The following PLCL1 variants were observed in gnomAD, a reference collection of about 807,000 sequenced individuals.
PLCL1 encodes phospholipase C like 1 (inactive).
In PLCL1, 41 loss-of-function variants were observed where a neutral mutation model predicts 84.4. That is an observed-to-expected ratio of 0.49 (90% CI 0.38 to 0.63). PLCL1 has a LOEUF of 0.63. Among genes scored for constraint, PLCL1 ranks in the 30% least tolerant of loss-of-function variants. The pLI is 0.00. For missense variants in PLCL1, 1,206 were observed against 1,367.8 expected, an observed-to-expected ratio of 0.88 and a Z score of 1.87; for synonymous variants, 490 against 488.3, an observed-to-expected ratio of 1.00 and a Z score of -0.05.
At chr2:197,930,332 G>T (rs2105764568) in intron 1 of PLCL1, among the ~76,000 whole-genome samples, 1 of 152,246 alleles carries the variant, frequency 6.6e-6, no homozygotes, top group East Asian at 1.9e-4. Flanking sequence ...TACTTCAACA[G>T]ATCTGTTCTT....
Position 198,084,333 on chromosome 2 carries a change from C to G in PLCL1, c.816C>G (p.Asn272Lys). The G allele has an allele frequency of 6.2e-7, 1 of 1,614,008 alleles. No individual in the cohort carries two copies. Among genetic ancestry groups the G allele is most frequent in the Middle Eastern group, 1.7e-4 (1 of 6,060 alleles). The change falls in exon 2 of 6, where the codon AAC becomes AAG. Residue 272 changes from asparagine to lysine, a missense_variant. Asn to Lys is a moderately conservative substitution (Grantham distance 94). Coordinates refer to ENST00000428675, the MANE Select transcript of PLCL1 (RefSeq NM_006226.4). ...DTSVELIKQL[N>K]PTLKEAKIRL... ...CTGTAGAGTTAATAAAACAACTCAACCCTACTCTGAAGGAAGCCAAGATCA... is the reference window on the plus strand; with the variant it reads ...CTGTAGAGTTAATAAAACAACTCAAGCCTACTCTGAAGGAAGCCAAGATCA...
chr2:198,084,828 G>A lies in PLCL1; in HGVS notation c.1311G>A (p.Met437Ile). The A allele has an allele frequency of 6.2e-7, 1 of 1,613,964 alleles. No individual in the cohort carries two copies. The highest frequency in any genetic ancestry group is 8.5e-7 in the Non-Finnish European group (1 of 1,179,942). The change falls in exon 2 of 6, where the codon ATG becomes ATA. Residue 437 changes from methionine (M) to isoleucine (I), a missense_variant. Met to Ile is a conservative substitution (Grantham distance 10). Coordinates refer to ENST00000428675, the MANE Select transcript of PLCL1 (RefSeq NM_006226.4). ...ATGGGTACATTAGAGCTTTGAAAAT[G>A]GGCTGTCGAAGCGTTGAACTCGATG... ...DINGYIRALK[M>I]GCRSVELDVS...
rs1489067403 is a variant in PLCL1 at position 198,089,007 on chromosome 2, G to T, written c.2865G>T (p.Glu955Asp). The T allele has an allele frequency of 6.2e-7, 1 of 1,614,038 alleles. No homozygotes were observed. The highest frequency in any genetic ancestry group is 2.2e-5 in the East Asian group (1 of 44,872). Residue 955 changes from glutamate (E) to aspartate (D), a missense_variant, in exon 3 of 6, where the codon GAG (glutamate) becomes GAT (aspartate). Glu to Asp is a conservative substitution (Grantham distance 45, BLOSUM62 2). Coordinates refer to ENST00000428675, the MANE Select transcript of PLCL1 (RefSeq NM_006226.4). The stretch of plus-strand genomic sequence containing the variant: ...TGAAAGACAGCTTTCCTTACCTGGA[G>T]CCTCTGGGTGCAATTCCAGATGTGC... ...LVMKDSFPYL[E>D]PLGAIPDVQK...
At chr2:197,811,164 TAGAC>T (rs1690579816) in intron 1 of PLCL1, among the ~76,000 whole-genome samples, 1 of 152,234 alleles carries the variant, frequency 6.6e-6, no homozygotes, top group Non-Finnish European at 1.5e-5. Context: ...TAGGAAACAA[TAGAC>T]AGAGTTTATG....
At chr2:197,815,387 A>G (rs1690666676) in intron 1 of PLCL1, among the ~76,000 whole-genome samples, 1 of 152,198 alleles carries the variant, frequency 6.6e-6, no homozygotes, top group South Asian at 2.1e-4. Flanking sequence ...TCAGAAAAAA[A>G]CATTCCTTTC....
chr2:198,067,128 T>G (rs76453759), intron 1 of PLCL1, among the ~76,000 whole-genome samples: 2 of 127,368 alleles, frequency 1.6e-5, no homozygotes, highest in African/African-American at 6.9e-5. Flanking sequence ...TGTGGCCCTC[T>G]TTTTTTTTTT....
At chr2:197,881,334 T>G (rs1687823822) in intron 1 of PLCL1, among the ~76,000 whole-genome samples, 1 of 152,156 alleles carries the variant, frequency 6.6e-6, no homozygotes, top group Non-Finnish European at 1.5e-5. Flanking sequence ...CAGATTTTTA[T>G]CTCTGTTATA....
intron 1 of PLCL1, among the ~76,000 whole-genome samples, chr2:197,849,271 G>A (rs1039412294): frequency 6.6e-6 from 1 of 152,188 alleles, no homozygotes; most frequent in African/African-American, 2.4e-5. Flanking sequence ...GAAAATATTA[G>A]TGAGGCGGCT....
rs190222527 is a variant in PLCL1, at chr2:198,081,329, T to A, written c.241-2429T>A. On this transcript the variant is annotated intron_variant, in intron 1 of 5. Transcript: ENST00000428675. The stretch of plus-strand genomic sequence containing the variant: ...CTTTAAAAGCTGAGTCACAGTCTCA[T>A]TTACCATCAGAATTCACAGTTTTCT... 6.8e-4 allele frequency among the ~76,000 whole-genome samples: 104 copies of A among 152,328 alleles called. 3 individuals carry two copies. The South Asian group carries it at 0.013, about 20-fold the overall frequency.
intron 1 of PLCL1, among the ~76,000 whole-genome samples, chr2:197,856,748 AC>A (rs1398315170): frequency 6.6e-6 from 1 of 152,194 alleles, no homozygotes; most frequent in African/African-American, 2.4e-5. Context: ...AGTTCAGACA[AC>A]CAAAGACCAA....
intron 1 of PLCL1, among the ~76,000 whole-genome samples, chr2:197,844,891 T>G (rs1298109637): frequency 6.6e-6 from 1 of 152,230 alleles, no homozygotes; most frequent in East Asian, 1.9e-4. Flanking sequence ...CATTTAGACA[T>G]TATAAATGAT....
At chr2:198,126,497 G>A (rs149526142) in intron 5 of PLCL1, among the ~76,000 whole-genome samples, 4 of 152,152 alleles carry the variant, frequency 2.6e-5, no homozygotes, top group Admixed American at 1.3e-4. Context: ...GGACCACCCA[G>A]GGGCTGTGTG....
rs1245581906 is a variant in PLCL1, at chr2:198,089,057, A to T, written c.2915A>T (p.Asp972Val). 1 of 1,612,372 alleles carries T rather than the reference A, an allele frequency of 6.2e-7. No individual in the cohort carries two copies. Among genetic ancestry groups the T allele is most frequent in the Admixed American group, 1.7e-5 (1 of 60,016 alleles). ...CAGAAAAAGATGCTGACTGCTTATG[A>T]TCTGGTAGGAAATTGCGACTCCATA... ...DVQKKMLTAY[D>V]LMIQESRFLI... Residue 972 changes from aspartate to valine, a missense_variant, in exon 3 of 6, where the codon GAT becomes GTT. Physicochemically the swap from Asp to Val is radical, Grantham distance 152. Transcript: ENST00000428675.
chr2:197,996,436 T>C (rs1440745902), intron 1 of PLCL1, among the ~76,000 whole-genome samples: 2 of 152,102 alleles, frequency 1.3e-5, no homozygotes, highest in African/African-American at 4.8e-5. Flanking sequence ...ATTGTAAACT[T>C]TGGAATTTAG....
intron 1 of PLCL1, among the ~76,000 whole-genome samples, chr2:197,830,547 T>G (rs1691035090): frequency 6.6e-6 from 1 of 152,092 alleles, no homozygotes; most frequent in Non-Finnish European, 1.5e-5. Flanking sequence ...TATATTTGAT[T>G]GGTGTACCTG....
intron 5 of PLCL1, among the ~76,000 whole-genome samples, chr2:198,110,615 A>T (rs1693595564): frequency 6.6e-6 from 1 of 151,880 alleles, no homozygotes; most frequent in African/African-American, 2.4e-5. Context: ...TCCATCTCTG[A>T]AAGCTGAGTG....
At position 198,089,517 on chromosome 2, in the gene PLCL1, C is replaced by T. The variant is rs535930637; in HGVS notation, c.2919+456C>T. 3.9e-5 allele frequency among the ~76,000 whole-genome samples: 6 copies of T among 152,254 alleles called. No homozygotes were observed. The East Asian group carries it at 1.2e-3, about 29-fold the overall frequency. The stretch of plus-strand genomic sequence containing the variant: ...ATGGTCCAAAATGGGTGCTGAGCTC[C>T]AGCCATAATATCTGCATTCCAACCA... On this transcript the variant is annotated intron_variant, in intron 3 of 5. Coordinates refer to ENST00000428675, the MANE Select transcript of PLCL1 (RefSeq NM_006226.4).
rs574375180 is a variant in PLCL1 at position 198,019,483 on chromosome 2, C to A, written c.241-64275C>A. Reference sequence around the variant, plus strand: ...TAACCCAATGCAAGGAAGCTAATAACCTTGATAAAAGGTTAGAGGAATTGC... The same window carrying A: ...TAACCCAATGCAAGGAAGCTAATAAACTTGATAAAAGGTTAGAGGAATTGC... On this transcript the variant is annotated intron_variant, in intron 1 of 5. Transcript: ENST00000428675. Among the ~76,000 whole-genome samples, 4 of 152,242 alleles carry A rather than the reference C, an allele frequency of 2.6e-5. No individual in the cohort carries two copies. The East Asian group carries it at 5.8e-4, about 22-fold the overall frequency.
chr2:198,065,727 C>T (rs1011480175), intron 1 of PLCL1, among the ~76,000 whole-genome samples: 1 of 152,088 alleles, frequency 6.6e-6, no homozygotes, highest in Non-Finnish European at 1.5e-5. Context: ...GCCTATTTTC[C>T]CTTGATTAAA....
Sources: allele counts gnomAD v4.1 joint callset (sites outside exome capture counted in the v4.1 genomes callset), GRCh38; gene constraint gnomAD v4.1.1; transcripts MANE v1.5; gene names NCBI Gene and HGNC (gene_info 2026-07-23, HGNC 2026-07-21).